The following SLC8A1 variants were observed in gnomAD, a reference collection of about 807,000 sequenced individuals.
SLC8A1 encodes the protein sodium/calcium exchanger 1.
In SLC8A1, 18 loss-of-function variants were observed where a neutral mutation model predicts 68.3. The ratio of observed to expected loss-of-function variants is 0.26; its 90% CI spans 0.18 to 0.39. The LOEUF (loss-of-function observed/expected upper bound fraction) is 0.39, where lower values mean the gene tolerates loss of function less well. Ranked by LOEUF, SLC8A1 falls within the 10% of genes least tolerant of loss-of-function variation. SLC8A1 has a pLI of 1.00. For missense variants in SLC8A1, 985 were observed against 1,156.7 expected, an observed-to-expected ratio of 0.85 and a Z score of 2.15; for synonymous variants, 475 against 415.5, an observed-to-expected ratio of 1.14 and a Z score of -1.74.
Position 40,432,192 on chromosome 2 carries a change from T to C in SLC8A1, c.-24-1888A>G, listed in dbSNP as rs1466070629. Among the ~76,000 whole-genome samples the C allele has an allele frequency of 3.3e-5, 5 of 151,910 alleles. No individual in the cohort carries two copies. In the East Asian group the frequency reaches 5.8e-4, roughly 18 times the overall value. On this transcript the variant is annotated intron_variant, in intron 1 of 7. Transcript: ENST00000406785. The stretch of plus-strand genomic sequence containing the variant: ...GTGTATCCATTTCATCCACAATATT[T>C]ATGCATGCTTAATATGTATTTTAGA...
chr2:40,415,761 T>A (rs1180995644), intron 2 of SLC8A1, among the ~76,000 whole-genome samples: 1 of 151,684 alleles, frequency 6.6e-6, no homozygotes, highest in East Asian at 1.9e-4. Context: ...GTGGGTCACC[T>A]GAGGTCAGAG....
Position 40,219,806 on chromosome 2 carries a change from C to CTGGTTAGGGCAAAA in SLC8A1, c.1809-41952_1809-41951insTTTTGCCCTAACCA, listed in dbSNP as rs1558810123. On this transcript the variant is annotated intron_variant, in intron 2 of 7. Coordinates refer to ENST00000406785, the Ensembl canonical transcript of SLC8A1. ...AAACCTAGTTGATGAGAGAGATGTG[C>CTGGTTAGGGCAAAA]TTTGTTTGCTATGCATGAGATTGCT... 3.9e-3 allele frequency among the ~76,000 whole-genome samples: 378 copies of CTGGTTAGGGCAAAA among 96,254 alleles called. 34 individuals are homozygous for CTGGTTAGGGCAAAA. The highest frequency in any genetic ancestry group is 5.2e-3 in the South Asian group (18 of 3,438). The allele number at this position is 96,254 out of a possible 152,430, so 63.1% of individuals were successfully genotyped here.
At position 40,214,435 on chromosome 2, in the gene SLC8A1, CT is replaced by C. The variant is rs34050040; in HGVS notation, c.1809-36581del. Among the ~76,000 whole-genome samples, 947 of 141,258 alleles carry C rather than the reference CT, an allele frequency of 6.7e-3. 4 individuals are homozygous for C. The highest frequency in any genetic ancestry group is 0.018 in the African/African-American group (682 of 38,662). 92.7% of individuals were successfully genotyped at this position (141,258 alleles called of 152,430 possible). The stretch of plus-strand genomic sequence containing the variant: ...AGCAGATCATTTCTTTGTACACTAT[CT>C]TTTTTTTTTTTTTTCCTCTTTTCTG... On this transcript the variant is annotated intron_variant, in intron 2 of 7. Coordinates refer to ENST00000406785, the Ensembl canonical transcript of SLC8A1.
intron 1 of SLC8A1, among the ~76,000 whole-genome samples, chr2:40,440,360 G>A (rs772189039): frequency 2.6e-5 from 4 of 152,066 alleles, no homozygotes; most frequent in African/African-American, 7.2e-5. Context: ...AAAGTCACTG[G>A]AGGAAGAAAT....
At chr2:40,133,846 C>G (rs199692249) in intron 7 of SLC8A1, among the ~76,000 whole-genome samples, 1 of 152,144 alleles carries the variant, frequency 6.6e-6, no homozygotes, top group Non-Finnish European at 1.5e-5. Context: ...CTGGAATGTC[C>G]TGGCCCAATA....
At chr2:40,290,713 A>G (rs2069154994) in intron 2 of SLC8A1, among the ~76,000 whole-genome samples, 1 of 152,200 alleles carries the variant, frequency 6.6e-6, no homozygotes, top group African/African-American at 2.4e-5. Context: ...GATTTGAAGG[A>G]TCCTAAAATA....
At chr2:40,305,669 G>T (rs1240911998) in intron 2 of SLC8A1, among the ~76,000 whole-genome samples, 1 of 152,112 alleles carries the variant, frequency 6.6e-6, no homozygotes, top group Admixed American at 6.6e-5. Flanking sequence ...CTTTCTGACT[G>T]TCTAATAGAA....
chr2:40,243,586 T>C (rs948038421), intron 2 of SLC8A1, among the ~76,000 whole-genome samples: 1 of 152,226 alleles, frequency 6.6e-6, no homozygotes, highest in Non-Finnish European at 1.5e-5. Context: ...ACCTCTGTTT[T>C]AGACTAAGAA....
chr2:40,196,705 TA>T lies in SLC8A1; in HGVS notation c.1809-18851del, dbSNP rs1435899394. On this transcript the variant is annotated intron_variant, in intron 2 of 7. Coordinates refer to ENST00000406785, the Ensembl canonical transcript of SLC8A1. ...TAACAGCAAATATCATTAAGGGCCT[TA>T]AAAAATAACCCTTTTCTTTCATTAT... Among the ~76,000 whole-genome samples the T allele has an allele frequency of 2.0e-4, 31 of 152,084 alleles. No individual in the cohort carries two copies. In the East Asian group the frequency reaches 6.0e-3, roughly 29 times the overall value.
At chr2:40,428,652 C>T in exon 2 of SLC8A1, 1 of 1,613,754 alleles carries the variant, frequency 6.2e-7, no homozygotes, top group Non-Finnish European at 8.5e-7. Flanking sequence ...TCACAGGTTC[C>T]TCAAAAGTAA....
At chr2:40,308,983 A>T (rs1314681588) in intron 2 of SLC8A1, among the ~76,000 whole-genome samples, 1 of 152,220 alleles carries the variant, frequency 6.6e-6, no homozygotes, top group Non-Finnish European at 1.5e-5. Context: ...CTCCATAGTT[A>T]ACTGGAGATG....
At chr2:40,504,465 C>T (rs1209340715) in intron 1 of SLC8A1, among the ~76,000 whole-genome samples, 1 of 151,870 alleles carries the variant, frequency 6.6e-6, no homozygotes, top group African/African-American at 2.4e-5. Flanking sequence ...AATGGGATCA[C>T]ATCAATTTAA....
At chr2:40,473,143 G>A (rs1351761157) in intron 1 of SLC8A1, among the ~76,000 whole-genome samples, 4 of 152,012 alleles carry the variant, frequency 2.6e-5, no homozygotes, top group African/African-American at 9.7e-5. Context: ...ATGTCCAGGG[G>A]AAAAAGACCT....
intron 2 of SLC8A1, among the ~76,000 whole-genome samples, chr2:40,414,915 A>G (rs1693341403): frequency 6.6e-6 from 1 of 152,202 alleles, no homozygotes; most frequent in Admixed American, 6.5e-5. Flanking sequence ...TATCAACCAG[A>G]GAAAACTCTT....
chr2:40,387,729 G>A (rs1684012761), intron 2 of SLC8A1, among the ~76,000 whole-genome samples: 1 of 146,684 alleles, frequency 6.8e-6, no homozygotes, highest in African/African-American at 2.7e-5. Flanking sequence ...CTTGAGGTCA[G>A]GAGTTTGAGA....
intron 2 of SLC8A1, among the ~76,000 whole-genome samples, chr2:40,246,816 C>G (rs1193570527): frequency 6.6e-6 from 1 of 152,050 alleles, no homozygotes; most frequent in East Asian, 1.9e-4. Context: ...ATTATGACAC[C>G]TCAGAGGAAT....
chr2:40,111,750 CAT>C, exon 8 of SLC8A1: 1 of 152,192 alleles, frequency 6.6e-6, no homozygotes, highest in Middle Eastern at 3.4e-3. Flanking sequence ...AGGAATATAA[CAT>C]ATGAAACTAA....
chr2:40,277,798 A>ATATATATATATATATATATATATGTGTG (rs1559066428), intron 2 of SLC8A1, among the ~76,000 whole-genome samples: 381 of 37,976 alleles, frequency 0.01, 1 homozygote, highest in African/African-American at 0.068. Flanking sequence ...ATGTGTGTAT[A>ATATATATATATATATATATATATGTGTG]TATATATATA....
At chr2:40,273,971 G>A (rs975232286) in intron 2 of SLC8A1, among the ~76,000 whole-genome samples, 5 of 151,166 alleles carry the variant, frequency 3.3e-5, no homozygotes, top group East Asian at 1.9e-4. Flanking sequence ...CCAAGGCTGC[G>A]GCATGTCGGT....
Sources: allele counts gnomAD v4.1 joint callset (sites outside exome capture counted in the v4.1 genomes callset), GRCh38; gene constraint gnomAD v4.1.1; transcripts MANE v1.5; gene names NCBI Gene and HGNC (gene_info 2026-07-23, HGNC 2026-07-21).